Variants in FAM168A observed in about 807,000 individuals in gnomAD.
The protein encoded by FAM168A is protein FAM168A.
In FAM168A, 3 loss-of-function variants were observed where a neutral mutation model predicts 28.5. The observed-to-expected ratio is 0.11, with a 90% CI of 0.05 to 0.27. FAM168A has a LOEUF of 0.27. Among genes scored for constraint, FAM168A ranks in the 10% least tolerant of loss-of-function variants. The pLI is 1.00. For missense variants in FAM168A, 222 were observed against 311.5 expected, an observed-to-expected ratio of 0.71 and a Z score of 2.16; for synonymous variants, 122 against 124.2, an observed-to-expected ratio of 0.98 and a Z score of 0.12.
Position 73,571,437 on chromosome 11 carries a change from G to A in FAM168A, c.-19+26486C>T, listed in dbSNP as rs534445567. On this transcript the variant is annotated intron_variant, in intron 1 of 7. Transcript: ENST00000356467. ...GTTTTCGTATTTTTTTGGTGGAGACGGGGTTTCGCTGTGTTGGCCGGGCTG... is the reference window on the plus strand; with the variant it reads ...GTTTTCGTATTTTTTTGGTGGAGACAGGGTTTCGCTGTGTTGGCCGGGCTG... Among the ~76,000 whole-genome samples the A allele has an allele frequency of 3.3e-5, 5 of 152,010 alleles. No homozygotes were observed. The South Asian group carries it at 8.3e-4, about 25-fold the overall frequency.
chr11:73,497,763 G>A (rs1377623081), intron 1 of FAM168A, among the ~76,000 whole-genome samples: 1 of 151,996 alleles, frequency 6.6e-6, no homozygotes, highest in African/African-American at 2.4e-5. Context: ...TGGGTGGGGG[G>A]ATGGGGAAGG....
chr11:73,428,225 C>T (rs1167872151), intron 3 of FAM168A, among the ~76,000 whole-genome samples: 1 of 152,182 alleles, frequency 6.6e-6, no homozygotes, highest in Non-Finnish European at 1.5e-5. Flanking sequence ...CTCTGATTGG[C>T]ACCACCTCTC....
intron 1 of FAM168A, among the ~76,000 whole-genome samples, chr11:73,582,833 T>C (rs1944264190): frequency 6.6e-6 from 1 of 152,230 alleles, no homozygotes; most frequent in African/African-American, 2.4e-5. Context: ...ATTCCAGGGA[T>C]CCGTCATAAA....
At chr11:73,522,113 C>T (rs1796639563) in intron 1 of FAM168A, among the ~76,000 whole-genome samples, 1 of 151,034 alleles carries the variant, frequency 6.6e-6, no homozygotes, top group East Asian at 1.9e-4. Context: ...CCTCTTACCA[C>T]AGGGGTATTT....
At chr11:73,509,562 C>A (rs1382241149) in intron 1 of FAM168A, among the ~76,000 whole-genome samples, 1 of 152,080 alleles carries the variant, frequency 6.6e-6, no homozygotes, top group Non-Finnish European at 1.5e-5. Context: ...ACCACAAAAC[C>A]CCAATTTGTA....
intron 1 of FAM168A, among the ~76,000 whole-genome samples, chr11:73,553,960 G>A (rs1943858783): frequency 6.6e-6 from 1 of 152,172 alleles, no homozygotes; most frequent in Non-Finnish European, 1.5e-5. Context: ...CTGCACTCCA[G>A]TCACTGCACC....
At chr11:73,407,677 A>G (rs559007371) in intron 6 of FAM168A, 34 bp from the exon 7 acceptor site, 17 of 1,546,196 alleles carry the variant, frequency 1.1e-5, no homozygotes, top group African/African-American at 9.6e-5. Context: ...TAACCTGACG[A>G]GGCTGCACCA....
intron 2 of FAM168A, among the ~76,000 whole-genome samples, chr11:73,463,472 T>C (rs1483678765): frequency 2.0e-5 from 3 of 152,172 alleles, no homozygotes; most frequent in Non-Finnish European, 4.4e-5. Context: ...ATAATAAGTC[T>C]GAGCAAAGCA....
intron 1 of FAM168A, among the ~76,000 whole-genome samples, chr11:73,587,152 TAAAAAAAA>T (rs1158411875): frequency 2.8e-4 from 23 of 81,388 alleles, no homozygotes; most frequent in African/African-American, 8.5e-4. Context: ...ATGGACATGT[TAAAAAAAA>T]AAAAAAAAAA....
chr11:73,482,874 G>A (rs1174898617), intron 1 of FAM168A, among the ~76,000 whole-genome samples: 1 of 152,052 alleles, frequency 6.6e-6, no homozygotes, highest in Admixed American at 6.6e-5. Context: ...AAGTAGCTGG[G>A]ATTAAAGGCG....
At position 73,403,055 on chromosome 11, in the gene FAM168A, G is replaced by A. The variant is rs149514334; in HGVS notation, c.*3708C>T. The A allele has an allele frequency of 6.6e-6, 1 of 152,176 alleles. No homozygotes were observed. Among genetic ancestry groups the A allele is most frequent in the Non-Finnish European group, 1.5e-5 (1 of 68,044 alleles). The allele number at this position is 152,176 out of a possible 1,614,324, so 9.4% of individuals were successfully genotyped here. ...CAAGTCTCAAGCCTCCTGAGCCTTAGTTTTTTCATCTATAAAATGGAGGAC... is the reference window on the plus strand; with the variant it reads ...CAAGTCTCAAGCCTCCTGAGCCTTAATTTTTTCATCTATAAAATGGAGGAC... On this transcript the variant is annotated 3_prime_UTR_variant, in exon 8 of 8. Coordinates refer to ENST00000356467, the MANE Select transcript of FAM168A (RefSeq NM_015159.3).
At chr11:73,484,770 T>C (rs1868031487) in intron 1 of FAM168A, among the ~76,000 whole-genome samples, 1 of 149,906 alleles carries the variant, frequency 6.7e-6, no homozygotes. Context: ...ATTTATTAAG[T>C]AGTATTAACC....
intron 1 of FAM168A, among the ~76,000 whole-genome samples, chr11:73,594,719 G>C (rs1040188116): frequency 1.3e-5 from 2 of 152,050 alleles, no homozygotes; most frequent in Non-Finnish European, 2.9e-5. Flanking sequence ...AGTAGAGATG[G>C]GGTTTTGCCA....
intron 2 of FAM168A, among the ~76,000 whole-genome samples, chr11:73,462,072 T>C (rs1248382735): frequency 6.6e-6 from 1 of 152,046 alleles, no homozygotes; most frequent in Non-Finnish European, 1.5e-5. Context: ...CTCAAAAAAT[T>C]AAAAATAGAA....
chr11:73,411,383 C>A lies in FAM168A; in HGVS notation c.420+11G>T. On this transcript the variant is annotated intron_variant, in intron 5 of 7. Transcript: ENST00000356467. ...CTACCTGCAGAAGAGGTGGCTTTGA[C>A]ATGTACCTACCTGGGCATACAGATT... 1.3e-6 allele frequency: 2 copies of A among 1,579,670 alleles called. No individual in the cohort carries two copies. Among genetic ancestry groups the A allele is most frequent in the Non-Finnish European group, 1.7e-6 (2 of 1,161,592 alleles).
intron 1 of FAM168A, among the ~76,000 whole-genome samples, chr11:73,549,000 G>A (rs1161097350): frequency 6.6e-6 from 1 of 151,906 alleles, no homozygotes; most frequent in African/African-American, 2.4e-5. Context: ...GGAGTGCAGT[G>A]GCACAATCCC....
At chr11:73,468,278 A>G (rs1453178435) in intron 2 of FAM168A, 127 bp downstream of exon 2, 11 of 752,254 alleles carry the variant, frequency 1.5e-5, no homozygotes, top group African/African-American at 1.7e-5. Context: ...GACCTCAGAC[A>G]TATCTTCTGC....
At chr11:73,593,718 T>C (rs2134750886) in intron 1 of FAM168A, among the ~76,000 whole-genome samples, 1 of 152,342 alleles carries the variant, frequency 6.6e-6, no homozygotes. Context: ...TTTTTTAATG[T>C]GTACTATAAA....
chr11:73,551,370 G>A (rs547419476), intron 1 of FAM168A, among the ~76,000 whole-genome samples: 1 of 152,286 alleles, frequency 6.6e-6, no homozygotes, highest in South Asian at 2.1e-4. Context: ...TAATGAGACA[G>A]GAAGTATCTG....
Sources: allele counts gnomAD v4.1 joint callset (sites outside exome capture counted in the v4.1 genomes callset), GRCh38; gene constraint gnomAD v4.1.1; transcripts MANE v1.5; gene names NCBI Gene and HGNC (gene_info 2026-07-23, HGNC 2026-07-21).